Variants in HKDC1 observed in about 807,000 individuals in gnomAD.
HKDC1 encodes the protein hexokinase HKDC1.
HKDC1 carries 66 observed loss-of-function variants against 96.6 expected under a neutral mutation model. The ratio of observed to expected loss-of-function variants is 0.68; its 90% CI spans 0.56 to 0.84. The LOEUF (loss-of-function observed/expected upper bound fraction) is 0.84. HKDC1 is among the 40% of genes least tolerant of loss of function. HKDC1 has a pLI of 0.00. For missense variants in HKDC1, 1,211 were observed against 1,208.1 expected (o/e 1.00, Z -0.04); for synonymous variants, 466 against 473.1 (o/e 0.98, Z 0.20).
intron 2 of HKDC1, among the ~76,000 whole-genome samples, chr10:69,230,020 T>A (rs1464087826): frequency 6.6e-6 from 1 of 152,196 alleles, no homozygotes; most frequent in East Asian, 1.9e-4. Flanking sequence ...CCTTATGGTG[T>A]CCGTTTCAGA....
At chr10:69,241,119 A>T (rs1843450864) in intron 6 of HKDC1, among the ~76,000 whole-genome samples, 1 of 152,172 alleles carries the variant, frequency 6.6e-6, no homozygotes, top group South Asian at 2.1e-4. Flanking sequence ...GAGTGGGATG[A>T]GGCGTCAGGG....
Position 69,265,610 on chromosome 10 carries a change from A to T in HKDC1, c.2398A>T (p.Arg800Trp). The change falls in exon 17 of 18, where the codon AGG (arginine) becomes TGG (tryptophan). Residue 800 changes from arginine to tryptophan, a missense_variant. Transcript: ENST00000354624. ...ESDRLALLQV[R>W]RILQQLGLDS... ...CGATCGGCTGGCCCTTCTCCAGGTC[A>T]GGAGGATTCTGCAGCAGCTGGGCCT... 6.2e-7 allele frequency: 1 copy of T among 1,613,716 alleles called. No individual in the cohort carries two copies. The highest frequency in any genetic ancestry group is 8.5e-7 in the Non-Finnish European group (1 of 1,179,904).
intron 4 of HKDC1, among the ~76,000 whole-genome samples, chr10:69,234,789 C>T (rs190249102): frequency 2.6e-5 from 4 of 152,362 alleles, no homozygotes; most frequent in African/African-American, 4.8e-5. Context: ...AGACCTTCCC[C>T]GCCAAGGTCT....
intron 16 of HKDC1, among the ~76,000 whole-genome samples, chr10:69,264,349 G>A (rs538410709): frequency 1.9e-4 from 28 of 151,062 alleles, no homozygotes; most frequent in African/African-American, 6.3e-4. Flanking sequence ...GATTTTCCAT[G>A]GTGTGAAATA....
intron 16 of HKDC1, chr10:69,265,312 A>G: frequency 2.4e-6 from 1 of 421,234 alleles, no homozygotes; most frequent in Admixed American, 4.6e-5. Context: ...TGGTTGCTGC[A>G]GCTCATATGG....
At chr10:69,248,086 G>A (rs997393596) in intron 9 of HKDC1, among the ~76,000 whole-genome samples, 3 of 152,188 alleles carry the variant, frequency 2.0e-5, no homozygotes, top group East Asian at 1.9e-4. Flanking sequence ...GGCTACCGGG[G>A]TGGACTTGGA....
chr10:69,226,836 G>C (rs1030647433), intron 1 of HKDC1, among the ~76,000 whole-genome samples: 1 of 152,184 alleles, frequency 6.6e-6, no homozygotes, highest in Non-Finnish European at 1.5e-5. Context: ...GCTCTAGCTG[G>C]CCTTTTTTGG....
intron 16 of HKDC1, chr10:69,262,192 A>T (rs1344912867): frequency 3.3e-6 from 1 of 305,224 alleles, no homozygotes; most frequent in African/African-American, 2.2e-5. Flanking sequence ...CTTTGGTGTA[A>T]TTATCATTTT....
intron 17 of HKDC1, 105 bp downstream of exon 17, chr10:69,265,923 G>A (rs899462107): frequency 5.0e-6 from 4 of 797,298 alleles, no homozygotes; most frequent in Admixed American, 2.7e-5. Context: ...ATGCATCCCC[G>A]TCCTTTTATG....
chr10:69,247,673 C>G, intron 9 of HKDC1, 80 bp downstream of exon 9: 1 of 1,126,800 alleles, frequency 8.9e-7, no homozygotes, highest in Non-Finnish European at 1.3e-6. Context: ...ACTATCCTGC[C>G]TATCTGGGGT....
chr10:69,241,781 G>T (rs144903845), intron 6 of HKDC1, among the ~76,000 whole-genome samples: 1 of 152,152 alleles, frequency 6.6e-6, no homozygotes, highest in Non-Finnish European at 1.5e-5. Flanking sequence ...CACCACGCCC[G>T]GCCGGATGTG....
rs191523448 is a variant in HKDC1 at position 69,229,695 on chromosome 10, C to A, written c.226+2326C>A. Among the ~76,000 whole-genome samples, 677 of 152,272 alleles carry A rather than the reference C, an allele frequency of 4.4e-3. 8 individuals carry two copies. The highest frequency in any genetic ancestry group is 7.4e-3 in the Non-Finnish European group (503 of 68,016). ...TCTGAAGGTTCAGAAGTGAAACTAA[C>A]TAAGTCATAGAAACTCTCTCCTCCT... On this transcript the variant is annotated intron_variant, in intron 2 of 17. Transcript: ENST00000354624.
In HKDC1 at chr10:69,248,480, G is replaced by A. The variant is rs1053421576; in HGVS notation, c.1322G>A (p.Arg441His). 11 of 1,605,948 alleles carry A rather than the reference G, an allele frequency of 6.8e-6. No homozygotes were observed. Among genetic ancestry groups the A allele is most frequent in the Non-Finnish European group, 9.4e-6 (11 of 1,174,078 alleles). ...VRKLVPSCDV[R>H]FLLSESGSTK... is the part of the protein sequence containing the mutation. Reference sequence around the variant, plus strand: ...AAACTGGTCCCAAGCTGTGATGTCCGCTTCCTCCTGTCAGAGAGTGGCAGC... The same window carrying A: ...AAACTGGTCCCAAGCTGTGATGTCCACTTCCTCCTGTCAGAGAGTGGCAGC... The change falls in exon 10 of 18, where the codon CGC (arginine) becomes CAC (histidine). Residue 441 changes from arginine (R) to histidine (H), a missense_variant. Arg to His is a conservative substitution (Grantham distance 29). Transcript: ENST00000354624.
rs1843431620 is a variant in HKDC1 at position 69,240,150 on chromosome 10, CACAA to C, written c.592-496_592-493del. Among the ~76,000 whole-genome samples the C allele has an allele frequency of 2.0e-5, 3 of 152,154 alleles. No homozygotes were observed. The South Asian group carries it at 6.2e-4, about 32-fold the overall frequency. On this transcript the variant is annotated intron_variant, in intron 5 of 17. Transcript: ENST00000354624. Reference sequence around the variant, plus strand: ...TTTCCTCAATGTCTTCCCAGGATCTCACAAACAAAGGCTGAAACCTGGGTGTGAT... The same window carrying C: ...TTTCCTCAATGTCTTCCCAGGATCTCACAAAGGCTGAAACCTGGGTGTGAT...
chr10:69,244,033 CTCG>C (rs1350416828), intron 7 of HKDC1, among the ~76,000 whole-genome samples: 8 of 151,906 alleles, frequency 5.3e-5, no homozygotes, highest in Non-Finnish European at 1.0e-4. Flanking sequence ...CACAGCCGAA[CTCG>C]TCGTGTTCGC....
chr10:69,261,205 C>T lies in HKDC1; in HGVS notation c.2283C>T (p.Thr761=), dbSNP rs1442313917. 3.1e-6 allele frequency: 5 copies of T among 1,614,020 alleles called. No individual in the cohort carries two copies. Among genetic ancestry groups the T allele is most frequent in the South Asian group, 1.1e-5 (1 of 91,076 alleles). Reference sequence around the variant, plus strand: ...TGCGGCAGATCCTGATCGACCTGACCAAGCAGGGTCTCCTCTTCCGAGGGC... The same window carrying T: ...TGCGGCAGATCCTGATCGACCTGACTAAGCAGGGTCTCCTCTTCCGAGGGC... The part of the protein sequence containing the change: ...EIVRQILIDL[T]KQGLLFRGQI... Residue 761 remains threonine (T), a synonymous_variant, in exon 16 of 18, where the codon ACC becomes ACT. Transcript: ENST00000354624.
In HKDC1 at chr10:69,224,414, G is replaced by T. The variant is rs188950818; in HGVS notation, c.64-2793G>T. On this transcript the variant is annotated intron_variant, in intron 1 of 17. Transcript: ENST00000354624. ...TTCTCCTGCCTCAGCCTCCGAAGTAGCTGGGACTACAGGCGCCCGCCACCA... is the reference window on the plus strand; with the variant it reads ...TTCTCCTGCCTCAGCCTCCGAAGTATCTGGGACTACAGGCGCCCGCCACCA... 2.5e-3 allele frequency among the ~76,000 whole-genome samples: 385 copies of T among 152,124 alleles called. 2 individuals are homozygous for T. Among genetic ancestry groups the T allele is most frequent in the African/African-American group, 9.2e-3 (380 of 41,494 alleles).
chr10:69,227,837 A>G (rs1411224510), intron 2 of HKDC1, among the ~76,000 whole-genome samples: 1 of 152,122 alleles, frequency 6.6e-6, no homozygotes, highest in African/African-American at 2.4e-5. Flanking sequence ...AGCACTGGGA[A>G]TGAGTAATGG....
intron 12 of HKDC1, 40 bp from the exon 13 acceptor site, chr10:69,256,996 C>A (rs777349562): frequency 1.3e-6 from 2 of 1,510,676 alleles, no homozygotes. Flanking sequence ...GTGGCCCTAG[C>A]AAACTATTGC....
Sources: gnomAD v4.1 joint callset for allele counts (sites outside exome capture counted in the v4.1 genomes callset) on GRCh38, gnomAD v4.1.1 for gene constraint, MANE v1.5 for transcripts, NCBI Gene and HGNC (gene_info 2026-07-23, HGNC 2026-07-21) for gene names.